RAF1: variants seen among roughly 807,000 people sequenced by gnomAD.
RAF1 encodes RAF proto-oncogene serine/threonine-protein kinase.
Under a neutral mutation model 81.1 loss-of-function variants are expected in RAF1, and 27 were observed. The ratio of observed to expected loss-of-function variants is 0.33; its 90% confidence interval spans 0.25 to 0.46. The LOEUF (loss-of-function observed/expected upper bound fraction) is 0.46. RAF1 is among the 20% of genes least tolerant of loss of function. The pLI is 1.00. For missense variants in RAF1, 598 were observed against 826.0 expected, an observed-to-expected ratio of 0.72 and a Z score of 3.38; for synonymous variants, 298 against 294.0, an observed-to-expected ratio of 1.01 and a Z score of -0.14.
intron 1 of RAF1, among the ~76,000 whole-genome samples, chr3:12,622,464 G>A (rs370024866): frequency 7.9e-5 from 12 of 152,232 alleles, no homozygotes; most frequent in African/African-American, 1.2e-4. Context: ...TCTGAACTTC[G>A]TGTTTCTCTT....
rs1286582905 is a variant in RAF1 at position 12,584,562 on chromosome 3, A to G, written c.1959T>C (p.Asp653=). 5 of 1,614,146 alleles carry G rather than the reference A, an allele frequency of 3.1e-6. No homozygotes were observed. The highest frequency in any genetic ancestry group is 4.2e-6 in the Non-Finnish European group (5 of 1,180,020). ...ACGTGGTCAGCGTGCAAGCATTGAT[A>G]TCCTCAGTGTGGGCTGCCCGATGCA... Residue 653 remains aspartate (D), a synonymous_variant, in exon 18 of 18, where the codon GAT becomes GAC. Transcript: ENST00000442415.
chr3:12,598,741 A>AAAAAAAAAAC (rs2058764654), intron 11 of RAF1, among the ~76,000 whole-genome samples: 1 of 149,498 alleles, frequency 6.7e-6, no homozygotes, highest in Non-Finnish European at 1.5e-5. Context: ...AAAAAAAAAA[A>AAAAAAAAAAC]AAAAAAAAAA....
intron 1 of RAF1, among the ~76,000 whole-genome samples, chr3:12,629,151 A>G (rs2059794116): frequency 6.6e-6 from 1 of 152,188 alleles, no homozygotes; most frequent in Non-Finnish European, 1.5e-5. Context: ...CAACGAAACA[A>G]TGGTAGTTGT....
rs2059448160 is a variant in RAF1, at chr3:12,618,568, A to C, written c.154T>G (p.Ser52Ala). ...ACACGGATAGTGTTGCTTGTCTTAGAAGGATCTGTGAGTTTGCCATCATCT... is the reference window on the plus strand; with the variant it reads ...ACACGGATAGTGTTGCTTGTCTTAGCAGGATCTGTGAGTTTGCCATCATCT... Residue 52 changes from serine (S) to alanine (A), a missense_variant, in exon 2 of 18, where the codon TCT becomes GCT. Transcript: ENST00000442415. 1 of 1,614,038 alleles carries C rather than the reference A, an allele frequency of 6.2e-7. No homozygotes were observed. The highest frequency in any genetic ancestry group is 1.3e-5 in the African/African-American group (1 of 74,900).
At chr3:12,618,024 T>C (rs1451966276) in intron 2 of RAF1, among the ~76,000 whole-genome samples, 3 of 152,150 alleles carry the variant, frequency 2.0e-5, no homozygotes, top group Non-Finnish European at 2.9e-5. Flanking sequence ...GTCAGTGCCC[T>C]GAAAAAGAAG....
At chr3:12,654,516 G>A (rs1310070207) in intron 1 of RAF1, among the ~76,000 whole-genome samples, 1 of 151,544 alleles carries the variant, frequency 6.6e-6, no homozygotes, top group Admixed American at 6.6e-5. Context: ...GAGGGAAGAT[G>A]GCTTGTGCCT....
rs566038099 is a variant in RAF1 at position 12,598,675 on chromosome 3, G to A, written c.1168+1016C>T. Among the ~76,000 whole-genome samples, 4 of 134,912 alleles carry A rather than the reference G, an allele frequency of 3.0e-5. No individual in the cohort carries two copies. The Admixed American group carries it at 3.2e-4, about 11-fold the overall frequency. 88.5% of individuals were successfully genotyped at this position (134,912 alleles called of 152,430 possible). A position where few individuals can be genotyped will look rare whatever the true frequency, so the allele number is the denominator to read the frequency against. ...CAAGAGTTGGAGGCTGCAGTGAGCT[G>A]TGATTGTGCCACTGTACTCCAGCCT... On this transcript the variant is annotated intron_variant, in intron 11 of 17. Coordinates refer to ENST00000442415, the MANE Select transcript of RAF1 (RefSeq NM_001354689.3).
At chr3:12,642,209 G>A (rs569328614) in intron 1 of RAF1, among the ~76,000 whole-genome samples, 1 of 151,638 alleles carries the variant, frequency 6.6e-6, no homozygotes, top group East Asian at 1.9e-4. Flanking sequence ...CCAGCACTTT[G>A]AGAGGCTGAA....
intron 1 of RAF1, among the ~76,000 whole-genome samples, chr3:12,623,272 A>AT (rs1559454212): frequency 6.6e-6 from 1 of 152,172 alleles, no homozygotes; most frequent in African/African-American, 2.4e-5. Context: ...GAATCCACTG[A>AT]TAAGACTAAA....
intron 1 of RAF1, among the ~76,000 whole-genome samples, chr3:12,640,629 G>T (rs916142371): frequency 7.9e-5 from 12 of 152,070 alleles, no homozygotes; most frequent in Non-Finnish European, 5.9e-5. Context: ...CTCATCACTG[G>T]CCATCAGAGA....
At chr3:12,589,986 TCAC>T (rs1318621311) in intron 13 of RAF1, 1 of 151,934 alleles carries the variant, frequency 6.6e-6, no homozygotes, top group Non-Finnish European at 1.5e-5. Context: ...AGATGAGATT[TCAC>T]CACATTGGCC....
At chr3:12,659,482 C>T (rs571528311) in intron 1 of RAF1, among the ~76,000 whole-genome samples, 2 of 143,234 alleles carry the variant, frequency 1.4e-5, no homozygotes, top group Non-Finnish European at 3.0e-5. Flanking sequence ...ACCAAAAGTA[C>T]CAACTGAATT....
chr3:12,635,411 C>G (rs975293470), intron 1 of RAF1, among the ~76,000 whole-genome samples: 1 of 143,118 alleles, frequency 7.0e-6, no homozygotes, highest in Admixed American at 7.2e-5. Context: ...CCGAGGTGGG[C>G]GGATCATGTA....
chr3:12,617,460 C>A (rs5746188), intron 2 of RAF1, among the ~76,000 whole-genome samples: 2,245 of 152,184 alleles, frequency 0.015, 33 homozygotes, highest in Admixed American at 0.044. Context: ...TGCCACGTTG[C>A]CCGACTGGTC....
intron 7 of RAF1, chr3:12,603,687 C>A: frequency 3.7e-6 from 2 of 543,848 alleles, no homozygotes; most frequent in South Asian, 2.8e-5. Context: ...TTCAAAAACA[C>A]TAGCTTTGGG....
chr3:12,662,876 A>AG (rs1275822954), intron 1 of RAF1, among the ~76,000 whole-genome samples: 1 of 152,030 alleles, frequency 6.6e-6, no homozygotes, highest in East Asian at 1.9e-4. Context: ...GAGCGCAGGG[A>AG]GGGCAGAGTC....
intron 1 of RAF1, among the ~76,000 whole-genome samples, chr3:12,660,809 T>C (rs2060851834): frequency 2.0e-5 from 3 of 152,110 alleles, no homozygotes; most frequent in Admixed American, 1.3e-4. Context: ...ATCCCGTCTC[T>C]ACTAAAAACA....
chr3:12,657,856 CAAAAA>C (rs55918245), intron 1 of RAF1, among the ~76,000 whole-genome samples: 195 of 143,778 alleles, frequency 1.4e-3, no homozygotes, highest in East Asian at 3.3e-3. Flanking sequence ...TTTTATCACC[CAAAAA>C]AAAAACAAAA....
Position 12,591,690 on chromosome 3 carries a change from C to G in RAF1, c.1253+18G>C, listed in dbSNP as rs201845942. ...CTCCAGCACTCCAGAGGGACTGGAC[C>G]GCCAGCTTTCTACTCACCGCAGAAC... On this transcript the variant is annotated intron_variant, in intron 12 of 17. Coordinates refer to ENST00000442415, the MANE Select transcript of RAF1 (RefSeq NM_001354689.3). 18 of 1,609,210 alleles carry G rather than the reference C, an allele frequency of 1.1e-5. No individual in the cohort carries two copies. The East Asian group carries it at 4.0e-4, about 36-fold the overall frequency.
Sources: gnomAD v4.1 joint callset for allele counts (sites outside exome capture counted in the v4.1 genomes callset) on GRCh38, gnomAD v4.1.1 for gene constraint, MANE v1.5 for transcripts, NCBI Gene and HGNC (gene_info 2026-07-23, HGNC 2026-07-21) for gene names.